RAP1GAP2: variants seen among roughly 807,000 people sequenced by gnomAD.
RAP1GAP2 encodes rap1 GTPase-activating protein 2.
RAP1GAP2 carries 27 observed loss-of-function variants against 95.0 expected under a neutral mutation model. The ratio of observed to expected loss-of-function variants is 0.28; its 90% confidence interval spans 0.21 to 0.39. The LOEUF is 0.39. Ranked by LOEUF, RAP1GAP2 falls within the 10% of genes least tolerant of loss-of-function variation. RAP1GAP2 has a pLI of 1.00. For synonymous variants in RAP1GAP2, 373 were observed against 380.9 expected, an observed-to-expected ratio of 0.98 and a Z score of 0.24; for missense variants, 771 against 970.0, an observed-to-expected ratio of 0.79 and a Z score of 2.72.
intron 12 of RAP1GAP2, among the ~76,000 whole-genome samples, chr17:2,993,045 C>A (rs1432875938): frequency 7.1e-5 from 8 of 112,654 alleles, no homozygotes; most frequent in Admixed American, 1.8e-4. Context: ...CCCGTCTCTA[C>A]TAAAAATACA....
In RAP1GAP2 at chr17:2,963,682, T is replaced by C. The variant is rs2044449691; in HGVS notation, c.280-174T>C. ...GCCCTGGGGCTACAGGGTTGGCGAATGAAGCTGGAGGTGTTGTGGGGCTTG... is the reference window on the plus strand; with the variant it reads ...GCCCTGGGGCTACAGGGTTGGCGAACGAAGCTGGAGGTGTTGTGGGGCTTG... On this transcript the variant is annotated intron_variant, in intron 6 of 24. Coordinates refer to ENST00000254695, the MANE Select transcript of RAP1GAP2 (RefSeq NM_015085.5). The surrounding 1 kb of genome is among the most constrained non-coding windows in gnomAD (Gnocchi z 4.8). Among the ~76,000 whole-genome samples, 1 of 152,140 alleles carries C rather than the reference T, an allele frequency of 6.6e-6. No individual in the cohort carries two copies. The highest frequency in any genetic ancestry group is 2.4e-5 in the African/African-American group (1 of 41,430).
intron 2 of RAP1GAP2, among the ~76,000 whole-genome samples, chr17:2,810,179 C>T (rs940336757): frequency 2.0e-5 from 3 of 151,978 alleles, no homozygotes; most frequent in Non-Finnish European, 4.4e-5. Flanking sequence ...AAATGTGGAC[C>T]TTGCGAGCTT....
chr17:2,821,696 G>C (rs1420905914), intron 2 of RAP1GAP2, among the ~76,000 whole-genome samples: 2 of 152,106 alleles, frequency 1.3e-5, no homozygotes, highest in Non-Finnish European at 2.9e-5. Flanking sequence ...TTAAATTTAA[G>C]TGAATTAAGT....
chr17:2,833,622 G>A (rs899278560), intron 2 of RAP1GAP2, among the ~76,000 whole-genome samples: 90 of 150,078 alleles, frequency 6.0e-4, no homozygotes, highest in African/African-American at 2.2e-3. Context: ...CCTGGGAGGC[G>A]GAGCTTGCAG....
At chr17:2,802,824 C>G (rs2069360919) in intron 2 of RAP1GAP2, among the ~76,000 whole-genome samples, 1 of 152,162 alleles carries the variant, frequency 6.6e-6, no homozygotes, top group Non-Finnish European at 1.5e-5. Flanking sequence ...ACCCCCATGT[C>G]TGTGCTGGCT....
intron 3 of RAP1GAP2, among the ~76,000 whole-genome samples, chr17:2,943,144 C>T (rs770968861): frequency 2.0e-5 from 3 of 151,946 alleles, no homozygotes; most frequent in Non-Finnish European, 2.9e-5. Context: ...TCCCCCCAAG[C>T]CCCTGACAAT....
chr17:2,824,233 A>G (rs1422042096), intron 2 of RAP1GAP2, among the ~76,000 whole-genome samples: 1 of 151,428 alleles, frequency 6.6e-6, no homozygotes, highest in Non-Finnish European at 1.5e-5. Flanking sequence ...GGATCACTTG[A>G]GATTAGGAGT....
intron 1 of RAP1GAP2, among the ~76,000 whole-genome samples, chr17:2,788,772 G>A (rs1455914518): frequency 6.6e-6 from 1 of 152,220 alleles, no homozygotes; most frequent in African/African-American, 2.4e-5. Context: ...CTCAGGCAGA[G>A]AATGAACTCT....
chr17:2,833,877 T>G (rs2071017527), intron 2 of RAP1GAP2, among the ~76,000 whole-genome samples: 1 of 151,944 alleles, frequency 6.6e-6, no homozygotes. Context: ...CTAGTAGGAG[T>G]GTACATGTTG....
At chr17:2,786,514 C>A (rs2068779355) in intron 1 of RAP1GAP2, among the ~76,000 whole-genome samples, 1 of 152,228 alleles carries the variant, frequency 6.6e-6, no homozygotes, top group Non-Finnish European at 1.5e-5. Flanking sequence ...CCCGCCTTAG[C>A]AGGGGAGGGC....
chr17:3,009,468 GA>G (rs1322829893), intron 17 of RAP1GAP2, among the ~76,000 whole-genome samples: 1 of 152,216 alleles, frequency 6.6e-6, no homozygotes, highest in Non-Finnish European at 1.5e-5. Flanking sequence ...CAAAGAGACA[GA>G]ATCATTTGTG....
At chr17:3,010,070 C>T (rs912435100) in intron 17 of RAP1GAP2, among the ~76,000 whole-genome samples, 8 of 152,014 alleles carry the variant, frequency 5.3e-5, no homozygotes, top group Admixed American at 4.6e-4. Context: ...GGCCAGGTGC[C>T]GTGCCTCACG....
At chr17:2,790,813 G>A (rs1797439849) in intron 1 of RAP1GAP2, among the ~76,000 whole-genome samples, 1 of 152,228 alleles carries the variant, frequency 6.6e-6, no homozygotes, top group South Asian at 2.1e-4. Flanking sequence ...CCGAGGGCCA[G>A]GGGACACAGT....
chr17:2,996,702 G>A (rs1244575400), intron 13 of RAP1GAP2, among the ~76,000 whole-genome samples: 1 of 152,248 alleles, frequency 6.6e-6, no homozygotes, highest in Non-Finnish European at 1.5e-5. Flanking sequence ...TCTTATGTGT[G>A]TTTCTTGGGA....
At chr17:2,762,449 G>A (rs905821865) in intron 1 of RAP1GAP2, among the ~76,000 whole-genome samples, 4 of 146,478 alleles carry the variant, frequency 2.7e-5, no homozygotes, top group African/African-American at 5.1e-5. Flanking sequence ...CGAGGCTGGA[G>A]TGCAGTGGCA....
rs183230723 is a variant in RAP1GAP2, at chr17:2,995,997, C to T, written c.1044+531C>T. On this transcript the variant is annotated intron_variant, in intron 13 of 24. Coordinates refer to ENST00000254695, the MANE Select transcript of RAP1GAP2 (RefSeq NM_015085.5). ...TGGTAGAGGGTGATTGTGGGGATTA[C>T]ATACATTTCTGACTAGGGTTCATAC... Among the ~76,000 whole-genome samples the T allele has an allele frequency of 2.0e-5, 3 of 149,724 alleles. No homozygotes were observed. The East Asian group carries it at 8.0e-4, about 40-fold the overall frequency.
chr17:2,880,972 C>CA (rs2073262879), intron 2 of RAP1GAP2, among the ~76,000 whole-genome samples: 4 of 151,788 alleles, frequency 2.6e-5, no homozygotes, highest in Admixed American at 2.6e-4. Context: ...ACTAAAAATA[C>CA]AAAAATTAGC....
intron 12 of RAP1GAP2, among the ~76,000 whole-genome samples, chr17:2,993,197 G>C (rs1396164710): frequency 6.7e-6 from 1 of 150,348 alleles, no homozygotes; most frequent in Non-Finnish European, 1.5e-5. Context: ...ACTTCAGCCT[G>C]GTCAATAGAG....
At chr17:3,007,551 A>G (rs1470121873) in intron 16 of RAP1GAP2, among the ~76,000 whole-genome samples, 2 of 152,162 alleles carry the variant, frequency 1.3e-5, no homozygotes, top group Non-Finnish European at 2.9e-5. Flanking sequence ...CTTTGATGAC[A>G]TGGTGGCCAA....
Sources: gnomAD v4.1 joint callset for allele counts (sites outside exome capture counted in the v4.1 genomes callset) on GRCh38, gnomAD v4.1.1 for gene constraint, Gnocchi (gnomAD v3.1) non-coding constraint, MANE v1.5 for transcripts, NCBI Gene and HGNC (gene_info 2026-07-23, HGNC 2026-07-21) for gene names.